ZNF385D: variants seen among roughly 807,000 people sequenced by gnomAD.
The protein encoded by ZNF385D is zinc finger protein 385D.
ZNF385D carries 15 observed loss-of-function variants against 35.8 expected under a neutral mutation model. The observed-to-expected ratio is 0.42, with a 90% CI of 0.28 to 0.64. ZNF385D has a LOEUF of 0.64. Ranked by LOEUF, ZNF385D falls within the 30% of genes least tolerant of loss-of-function variation. ZNF385D has a pLI of 0.23. For missense variants in ZNF385D, 474 were observed against 494.6 expected (o/e 0.96, Z 0.39); for synonymous variants, 212 against 186.8 (o/e 1.13, Z -1.10).
intron 3 of ZNF385D, among the ~76,000 whole-genome samples, chr3:21,938,430 G>A (rs781080114): frequency 6.6e-6 from 1 of 152,144 alleles, no homozygotes; most frequent in Non-Finnish European, 1.5e-5. Flanking sequence ...AATGAAAGTA[G>A]GCCAGATGTT....
At position 21,744,885 on chromosome 3, in the gene ZNF385D, G is replaced by T. The variant is rs151260932; in HGVS notation, c.22+6010C>A. On this transcript the variant is annotated intron_variant, in intron 1 of 7. Transcript: ENST00000281523. ...AAAAATAATAATAAAAAAAGCTAGT[G>T]TTTCAGCAGCAAAAGGGACTGTTTC... 3.5e-3 allele frequency among the ~76,000 whole-genome samples: 539 copies of T among 152,158 alleles called. 3 individuals are homozygous for T. Among genetic ancestry groups the T allele is most frequent in the African/African-American group, 0.013 (528 of 41,530 alleles).
chr3:21,967,951 GA>G (rs1197385524), intron 3 of ZNF385D, among the ~76,000 whole-genome samples: 2 of 152,190 alleles, frequency 1.3e-5, no homozygotes, highest in Non-Finnish European at 2.9e-5. Context: ...ATCATGTAAG[GA>G]AAGAGACACT....
intron 3 of ZNF385D, among the ~76,000 whole-genome samples, chr3:21,767,688 G>C (rs1483072433): frequency 6.6e-6 from 1 of 151,940 alleles, no homozygotes; most frequent in African/African-American, 2.4e-5. Context: ...TGGGGGGTGG[G>C]AGAGGAAGAG....
intron 6 of ZNF385D, 70 bp downstream of exon 6, chr3:21,425,422 G>A (rs1700974103): frequency 7.1e-7 from 1 of 1,411,518 alleles, no homozygotes; most frequent in African/African-American, 1.5e-5. Context: ...TAAAAAGGAA[G>A]GAAGCACACA....
intron 3 of ZNF385D, among the ~76,000 whole-genome samples, chr3:21,798,358 T>C (rs1412079398): frequency 6.6e-6 from 1 of 152,184 alleles, no homozygotes; most frequent in Admixed American, 6.5e-5. Context: ...TTTAGCATCA[T>C]TCAAATCCAG....
chr3:21,492,385 TAAAC>T (rs1416812091), intron 4 of ZNF385D, among the ~76,000 whole-genome samples: 2 of 90,986 alleles, frequency 2.2e-5, no homozygotes, highest in Non-Finnish European at 4.7e-5. Context: ...TGGTTTTTTA[TAAAC>T]AAACAAAAAC....
At chr3:22,294,297 G>A (rs62247262) in intron 2 of ZNF385D, among the ~76,000 whole-genome samples, 2,430 of 151,964 alleles carry the variant, frequency 0.016, 53 homozygotes, top group South Asian at 0.095. Context: ...CTCTCCTATT[G>A]GTGCCTCTTT....
At chr3:21,844,956 A>G (rs909073789) in intron 3 of ZNF385D, among the ~76,000 whole-genome samples, 6 of 151,958 alleles carry the variant, frequency 3.9e-5, no homozygotes, top group Admixed American at 3.9e-4. Flanking sequence ...TTGTTTTTCT[A>G]ACACTTTAAA....
chr3:21,949,538 C>CCTTTCT (rs1701954088), intron 3 of ZNF385D, among the ~76,000 whole-genome samples: 3 of 125,994 alleles, frequency 2.4e-5, no homozygotes, highest in African/African-American at 6.1e-5. Flanking sequence ...ATTTTCTTTC[C>CCTTTCT]TTCTTTTCTT....
At chr3:22,175,746 G>T (rs1182701317) in intron 2 of ZNF385D, among the ~76,000 whole-genome samples, 1 of 151,130 alleles carries the variant, frequency 6.6e-6, no homozygotes, top group African/African-American at 2.4e-5. Flanking sequence ...GTATATATGT[G>T]TATAAATTAT....
At chr3:21,994,757 T>G (rs1695358333) in intron 3 of ZNF385D, among the ~76,000 whole-genome samples, 1 of 152,218 alleles carries the variant, frequency 6.6e-6, no homozygotes, top group Admixed American at 6.5e-5. Context: ...GCTTTGATTT[T>G]TGGATGGGCA....
chr3:21,801,153 C>T (rs2072381237), intron 3 of ZNF385D, among the ~76,000 whole-genome samples: 1 of 152,120 alleles, frequency 6.6e-6, no homozygotes, highest in Non-Finnish European at 1.5e-5. Flanking sequence ...TTGAATCACT[C>T]TTACATTTCT....
In ZNF385D at chr3:21,702,146, T is replaced by G. The variant is rs151164389; in HGVS notation, c.23-37118A>C. ...GTACTGCCCTAGCAGAGGTTCTCCA[T>G]GAGGGTACCACCCCTGCAGCAAACT... is the stretch of plus-strand genomic sequence containing the variant. On this transcript the variant is annotated intron_variant, in intron 1 of 7. Transcript: ENST00000281523. Among the ~76,000 whole-genome samples, 1,168 of 152,332 alleles carry G rather than the reference T, an allele frequency of 7.7e-3. 6 individuals carry two copies. Among genetic ancestry groups the G allele is most frequent in the Non-Finnish European group, 0.013 (856 of 68,024 alleles).
chr3:21,861,094 A>G (rs1697027712), intron 3 of ZNF385D, among the ~76,000 whole-genome samples: 1 of 152,142 alleles, frequency 6.6e-6, no homozygotes, highest in Admixed American at 6.6e-5. Flanking sequence ...TCAAACAAAA[A>G]TATTTTAGTC....
At chr3:22,216,016 C>A (rs1032598069) in intron 2 of ZNF385D, among the ~76,000 whole-genome samples, 3 of 152,020 alleles carry the variant, frequency 2.0e-5, no homozygotes, top group Non-Finnish European at 4.4e-5. Flanking sequence ...GCTCCCAGTT[C>A]TGCTCCTATG....
intron 3 of ZNF385D, among the ~76,000 whole-genome samples, chr3:21,868,632 G>C (rs1697512926): frequency 6.6e-6 from 1 of 152,032 alleles, no homozygotes; most frequent in African/African-American, 2.4e-5. Context: ...AGACACTGTG[G>C]GACAATTCTT....
At chr3:21,586,817 G>A (rs752253025) in intron 2 of ZNF385D, among the ~76,000 whole-genome samples, 36 of 152,112 alleles carry the variant, frequency 2.4e-4, no homozygotes, top group Admixed American at 8.5e-4. Flanking sequence ...GTAATGAAGG[G>A]TAGACAAAAA....
chr3:22,263,709 C>A (rs1032353625), intron 2 of ZNF385D, among the ~76,000 whole-genome samples: 3 of 151,816 alleles, frequency 2.0e-5, no homozygotes, highest in Non-Finnish European at 2.9e-5. Flanking sequence ...CTTGGTTACT[C>A]GAAAGCAGTG....
chr3:22,193,854 A>C (rs949972106), intron 2 of ZNF385D, among the ~76,000 whole-genome samples: 3 of 151,986 alleles, frequency 2.0e-5, no homozygotes, highest in African/African-American at 4.8e-5. Flanking sequence ...TATATTTTTA[A>C]ATGGCTTTCA....
Sources: gnomAD v4.1 joint callset for allele counts (sites outside exome capture counted in the v4.1 genomes callset) on GRCh38, gnomAD v4.1.1 for gene constraint, MANE v1.5 for transcripts, NCBI Gene and HGNC (gene_info 2026-07-23, HGNC 2026-07-21) for gene names.